PLXNC1: variants seen among roughly 807,000 people sequenced by gnomAD.
PLXNC1 encodes the protein plexin-C1.
Under a neutral mutation model 178.2 loss-of-function variants are expected in PLXNC1, and 75 were observed. The ratio of observed to expected loss-of-function variants is 0.42; its 90% CI spans 0.35 to 0.51. The LOEUF (loss-of-function observed/expected upper bound fraction) is 0.51. PLXNC1 is among the 20% of genes least tolerant of loss of function. The probability of loss-of-function intolerance (pLI) is 0.02; values close to 1 mark genes in which losing one functional copy is unlikely to be tolerated. For missense variants in PLXNC1, 1,503 were observed against 1,984.4 expected (o/e 0.76, Z 4.61); for synonymous variants, 790 against 779.9 (o/e 1.01, Z -0.22).
In PLXNC1 at chr12:94,151,851, C is replaced by T. The variant is rs143110321; in HGVS notation, c.1062+1818C>T. 4.2e-3 allele frequency among the ~76,000 whole-genome samples: 637 copies of T among 152,316 alleles called. 5 individuals are homozygous for T. The highest frequency in any genetic ancestry group is 0.014 in the African/African-American group (588 of 41,556). On this transcript the variant is annotated intron_variant, in intron 1 of 30. Coordinates refer to ENST00000258526, the MANE Select transcript of PLXNC1 (RefSeq NM_005761.3). Reference sequence around the variant, plus strand: ...GCATCTTGAATGCACTCAAAATCCACGTTTTGGCTCAATCAGGTGTTCCTG... The same window carrying T: ...GCATCTTGAATGCACTCAAAATCCATGTTTTGGCTCAATCAGGTGTTCCTG...
intron 7 of PLXNC1, among the ~76,000 whole-genome samples, chr12:94,225,472 G>A (rs1276046470): frequency 3.2e-4 from 49 of 152,158 alleles, no homozygotes; most frequent in Non-Finnish European, 1.5e-5. Flanking sequence ...CTAAGAAACA[G>A]AATGGATTTA....
At chr12:94,279,727 CT>C in intron 22 of PLXNC1, 78 bp downstream of exon 22, 2 of 1,226,580 alleles carry the variant, frequency 1.6e-6, no homozygotes, top group East Asian at 5.0e-5. Context: ...CCTGTCCCCC[CT>C]CCCTGCCCCC....
intron 1 of PLXNC1, among the ~76,000 whole-genome samples, chr12:94,152,702 G>A (rs530745753): frequency 6.6e-6 from 1 of 152,292 alleles, no homozygotes; most frequent in East Asian, 1.9e-4. Flanking sequence ...CAAGCGGCTG[G>A]ATTTGCTTGC....
intron 1 of PLXNC1, among the ~76,000 whole-genome samples, chr12:94,157,773 T>C (rs1193392300): frequency 6.6e-6 from 1 of 152,200 alleles, no homozygotes; most frequent in Non-Finnish European, 1.5e-5. Flanking sequence ...AGATCATCAA[T>C]ATTTTCGGCT....
At chr12:94,165,391 G>T (rs576574424) in intron 1 of PLXNC1, among the ~76,000 whole-genome samples, 1 of 152,290 alleles carries the variant, frequency 6.6e-6, no homozygotes, top group South Asian at 2.1e-4. Flanking sequence ...CAGCACAAAA[G>T]AATCCATTTC....
At chr12:94,169,747 T>G (rs116202900) in intron 2 of PLXNC1, among the ~76,000 whole-genome samples, 2,076 of 152,296 alleles carry the variant, frequency 0.014, 44 homozygotes, top group African/African-American at 0.045. Context: ...CCAGCCCACT[T>G]ACCACCCACA....
rs1966828452 is a variant in PLXNC1 at position 94,286,071 on chromosome 12, A to AGTCTTCACTGCAGACATCG, written c.3879+3672_3879+3690dup. ...GGCCTGTCGGGAGAGATAGAACATCAGTCTTCACTGCAGACATCGGCCGTG... is the reference window on the plus strand; with the variant it reads ...GGCCTGTCGGGAGAGATAGAACATCAGTCTTCACTGCAGACATCGGTCTTCACTGCAGACATCGGCCGTG... On this transcript the variant is annotated intron_variant, in intron 23 of 30. Transcript: ENST00000258526. 3.9e-5 allele frequency among the ~76,000 whole-genome samples: 6 copies of AGTCTTCACTGCAGACATCG among 152,346 alleles called. No homozygotes were observed. The South Asian group carries it at 1.2e-3, about 32-fold the overall frequency.
chr12:94,294,830 C>G (rs1354638558), intron 24 of PLXNC1, among the ~76,000 whole-genome samples: 1 of 152,022 alleles, frequency 6.6e-6, no homozygotes, highest in Non-Finnish European at 1.5e-5. Flanking sequence ...TTTTTCAACC[C>G]TTTAGAAGGA....
At chr12:94,264,680 G>A (rs1034003363) in intron 20 of PLXNC1, among the ~76,000 whole-genome samples, 3 of 152,248 alleles carry the variant, frequency 2.0e-5, no homozygotes, top group Middle Eastern at 3.4e-3. Flanking sequence ...TTTAAATGTC[G>A]TTTATTTCTG....
intron 24 of PLXNC1, among the ~76,000 whole-genome samples, chr12:94,295,229 A>T (rs1967783890): frequency 6.6e-6 from 1 of 152,180 alleles, no homozygotes; most frequent in Admixed American, 6.5e-5. Flanking sequence ...TGACTTCTGG[A>T]TTCACTATTA....
intron 5 of PLXNC1, among the ~76,000 whole-genome samples, chr12:94,212,293 A>G: frequency 6.6e-6 from 1 of 151,118 alleles, no homozygotes; most frequent in Non-Finnish European, 1.5e-5. Flanking sequence ...AAAAAAAAAA[A>G]AAAAATAGAA....
intron 1 of PLXNC1, among the ~76,000 whole-genome samples, chr12:94,154,624 C>T (rs1961091325): frequency 6.6e-6 from 1 of 152,220 alleles, no homozygotes; most frequent in African/African-American, 2.4e-5. Context: ...CTGATGTCAA[C>T]CCTAACCTGT....
At chr12:94,287,019 G>A (rs73230134) in intron 23 of PLXNC1, among the ~76,000 whole-genome samples, 2 of 152,156 alleles carry the variant, frequency 1.3e-5, no homozygotes, top group African/African-American at 2.4e-5. Flanking sequence ...CAGCACCGGG[G>A]AATTGCTTTC....
chr12:94,198,451 A>G (rs1222808829), intron 4 of PLXNC1, among the ~76,000 whole-genome samples: 3 of 152,148 alleles, frequency 2.0e-5, no homozygotes, highest in African/African-American at 4.8e-5. Context: ...ACATTTGCCT[A>G]TGTAACAAAC....
At chr12:94,293,665 C>T (rs1320066306) in intron 23 of PLXNC1, among the ~76,000 whole-genome samples, 1 of 152,202 alleles carries the variant, frequency 6.6e-6, no homozygotes, top group African/African-American at 2.4e-5. Context: ...GTCGCCCAGG[C>T]TGGAGTAGAG....
chr12:94,249,498 T>G (rs923516597), intron 14 of PLXNC1, among the ~76,000 whole-genome samples: 4 of 152,106 alleles, frequency 2.6e-5, no homozygotes, highest in Admixed American at 6.5e-5. Flanking sequence ...CCTCCCAAAG[T>G]GCTGGCATTA....
In PLXNC1 at chr12:94,148,772, C is replaced by G. The variant is rs1428035381; in HGVS notation, c.-200C>G. ...GCGCAGGGCTTGCTGCCGCCACCGC[C>G]GCTGCACAGGCTGCCGGAGCGAGCC... is the stretch of plus-strand genomic sequence containing the variant. On this transcript the variant is annotated 5_prime_UTR_variant, in exon 1 of 31. Transcript: ENST00000258526. The surrounding 1 kb of genome is among the most constrained non-coding windows in gnomAD (Gnocchi z 4.8). The G allele has an allele frequency of 6.6e-6, 1 of 151,664 alleles. No homozygotes were observed. Among genetic ancestry groups the G allele is most frequent in the Non-Finnish European group, 1.5e-5 (1 of 67,770 alleles). The allele number at this position is 151,664 out of a possible 1,614,324, so 9.4% of individuals were successfully genotyped here.
At position 94,149,866 on chromosome 12, in the gene PLXNC1, C is replaced by T. The variant is rs1173588856; in HGVS notation, c.895C>T (p.Leu299=). The T allele has an allele frequency of 6.9e-6, 11 of 1,587,456 alleles. No homozygotes were observed. Among genetic ancestry groups the T allele is most frequent in the Non-Finnish European group, 8.6e-6 (10 of 1,167,630 alleles). The change falls in exon 1 of 31, where the codon CTA becomes TTA. Residue 299 remains leucine (L), a synonymous_variant. Transcript: ENST00000258526. ...DGRRLLLSSS[L]VEALDVWAGV... is the part of the protein sequence containing the mutation. ...CCGCCGCCTGCTCCTCTCCTCCAGC[C>T]TAGTGGAGGCCCTGGACGTCTGGGC...
At chr12:94,201,616 A>T (rs1008990538) in intron 4 of PLXNC1, among the ~76,000 whole-genome samples, 1 of 152,056 alleles carries the variant, frequency 6.6e-6, no homozygotes, top group African/African-American at 2.4e-5. Context: ...TGGCACAACC[A>T]CTATCCTCCT....
Sources: allele counts gnomAD v4.1 joint callset (sites outside exome capture counted in the v4.1 genomes callset), GRCh38; gene constraint gnomAD v4.1.1; non-coding constraint Gnocchi (gnomAD v3.1); transcripts MANE v1.5; gene names NCBI Gene and HGNC (gene_info 2026-07-23, HGNC 2026-07-21).